The following RALGAPA2 variants were observed in gnomAD, a reference collection of about 807,000 sequenced individuals.
RALGAPA2 encodes Ral GTPase activating protein catalytic subunit alpha 2.
Under a neutral mutation model 230.4 loss-of-function variants are expected in RALGAPA2, and 139 were observed. That is an observed-to-expected ratio of 0.60 (90% confidence interval 0.53 to 0.69). The LOEUF (loss-of-function observed/expected upper bound fraction) is 0.69, where lower values mean the gene tolerates loss of function less well. Among genes scored for constraint, RALGAPA2 ranks in the 30% least tolerant of loss-of-function variants. The probability of loss-of-function intolerance (pLI) is 0.00; values close to 1 mark genes in which losing one functional copy is unlikely to be tolerated. For missense variants in RALGAPA2, 2,163 were observed against 2,276.0 expected (o/e 0.95, Z 1.01); for synonymous variants, 847 against 837.8 (o/e 1.01, Z -0.19).
chr20:20,403,962 T>C (rs1032092120), intron 38 of RALGAPA2, among the ~76,000 whole-genome samples: 94 of 152,296 alleles, frequency 6.2e-4, no homozygotes, highest in African/African-American at 2.1e-3. Flanking sequence ...GCTGGGATGG[T>C]GGAGGCCACT....
Position 20,601,679 on chromosome 20 carries a change from T to C in RALGAPA2, c.2203+3A>G, listed in dbSNP as rs2065657253. ...TTTGAGAAGCATTTAAATAAATGTT[T>C]ACCAGTTGCTTTTTGGCGAACAATA... is the stretch of plus-strand genomic sequence containing the variant. On this transcript the variant is annotated splice_donor_region_variant and intron_variant, in intron 16 of 39. Transcript: ENST00000202677. 1 of 1,610,152 alleles carries C rather than the reference T, an allele frequency of 6.2e-7. No individual in the cohort carries two copies. Among genetic ancestry groups the C allele is most frequent in the African/African-American group, 1.3e-5 (1 of 74,782 alleles).
intron 3 of RALGAPA2, among the ~76,000 whole-genome samples, chr20:20,661,892 A>G (rs1348113496): frequency 6.6e-6 from 1 of 152,250 alleles, no homozygotes; most frequent in Non-Finnish European, 1.5e-5. Context: ...TATGTAATTT[A>G]CGATATACCT....
chr20:20,406,772 T>A (rs2059955656), intron 38 of RALGAPA2, among the ~76,000 whole-genome samples: 1 of 152,064 alleles, frequency 6.6e-6, no homozygotes, highest in African/African-American at 2.4e-5. Flanking sequence ...ATTAGCTGCA[T>A]GTGGTGGCTT....
intron 1 of RALGAPA2, among the ~76,000 whole-genome samples, chr20:20,689,291 T>A (rs556323352): frequency 1.3e-5 from 2 of 152,264 alleles, no homozygotes; most frequent in Non-Finnish European, 2.9e-5. Context: ...TTATGCCTGC[T>A]ACAAATGTAA....
At chr20:20,461,077 A>G (rs955812245) in intron 37 of RALGAPA2, among the ~76,000 whole-genome samples, 1 of 152,228 alleles carries the variant, frequency 6.6e-6, no homozygotes, top group African/African-American at 2.4e-5. Flanking sequence ...ATTTGACAAA[A>G]TTATAGAGCA....
chr20:20,518,898 G>A (rs968301073), intron 31 of RALGAPA2, among the ~76,000 whole-genome samples: 6 of 152,090 alleles, frequency 3.9e-5, no homozygotes, highest in Non-Finnish European at 4.4e-5. Flanking sequence ...AGGGAACAAC[G>A]AAATAGATTA....
At chr20:20,393,349 A>T in intron 39 of RALGAPA2, 96 bp from the exon 40 acceptor site, 1 of 1,012,530 alleles carries the variant, frequency 9.9e-7, no homozygotes, top group Middle Eastern at 4.0e-4. Flanking sequence ...GAAGGGAGGG[A>T]AACTCCCAGG....
At chr20:20,468,461 T>C (rs1346453052) in intron 37 of RALGAPA2, among the ~76,000 whole-genome samples, 4 of 152,146 alleles carry the variant, frequency 2.6e-5, no homozygotes, top group African/African-American at 4.8e-5. Context: ...GCTGCTACTA[T>C]CTGATATGTT....
chr20:20,562,047 T>C (rs1485358953), intron 23 of RALGAPA2, among the ~76,000 whole-genome samples: 2 of 152,154 alleles, frequency 1.3e-5, no homozygotes, highest in African/African-American at 2.4e-5. Context: ...CTCACCACAG[T>C]AGAAAGTTAA....
intron 38 of RALGAPA2, among the ~76,000 whole-genome samples, chr20:20,409,513 C>T (rs2122747331): frequency 6.6e-6 from 1 of 152,312 alleles, no homozygotes; most frequent in Non-Finnish European, 1.5e-5. Context: ...CCTAAGTGCA[C>T]TGTGGGAGCT....
At chr20:20,524,113 C>T (rs548931600) in intron 30 of RALGAPA2, among the ~76,000 whole-genome samples, 40 of 152,240 alleles carry the variant, frequency 2.6e-4, no homozygotes, top group African/African-American at 8.7e-4. Context: ...CCCGCCACCA[C>T]GCCCGGCTAA....
chr20:20,635,900 A>G (rs1162450634), intron 8 of RALGAPA2, among the ~76,000 whole-genome samples: 1 of 152,238 alleles, frequency 6.6e-6, no homozygotes. Context: ...AATTTTGATA[A>G]ATTACATGAG....
intron 15 of RALGAPA2, among the ~76,000 whole-genome samples, chr20:20,602,925 C>T (rs2065703364): frequency 6.6e-6 from 1 of 152,104 alleles, no homozygotes; most frequent in South Asian, 2.1e-4. Flanking sequence ...AGCTCTCCTC[C>T]TCTGGCCTGA....
rs1482788440 is a variant in RALGAPA2 at position 20,437,603 on chromosome 20, T to C, written c.5496-25455A>G. On this transcript the variant is annotated intron_variant, in intron 37 of 39. Coordinates refer to ENST00000202677, the MANE Select transcript of RALGAPA2 (RefSeq NM_020343.4). This position sits in a 1 kb window ranked among gnomAD's most constrained non-coding sequence, Gnocchi z 4.1. ...TCCCACACTTCACACACACGATGTG[T>C]GTGTGCTGTGCCCTCTGCCTGGGAT... Among the ~76,000 whole-genome samples the C allele has an allele frequency of 1.3e-5, 2 of 152,200 alleles. No homozygotes were observed. Among genetic ancestry groups the C allele is most frequent in the Non-Finnish European group, 2.9e-5 (2 of 68,034 alleles).
In RALGAPA2 at chr20:20,526,342, G is replaced by C; in HGVS notation, c.3603C>G (p.Ala1201=). The C allele has an allele frequency of 1.9e-6, 3 of 1,598,960 alleles. No individual in the cohort carries two copies. In the South Asian group the frequency reaches 3.4e-5, roughly 18 times the overall value. Residue 1201 remains alanine, a synonymous_variant, in exon 28 of 40, where the codon GCC becomes GCG. Transcript: ENST00000202677. ...ACTGAAGGACATCGCAAGCTACCTG[G>C]GCCACGATTTTGTTGGGAAACTATA... is the stretch of plus-strand genomic sequence containing the variant. ...VTLKFPNKIV[A]QVACDVLQLL...
At chr20:20,677,328 A>G (rs1449634709) in intron 2 of RALGAPA2, among the ~76,000 whole-genome samples, 1 of 152,178 alleles carries the variant, frequency 6.6e-6, no homozygotes, top group Non-Finnish European at 1.5e-5. Context: ...GAGGTTAGGA[A>G]GCAAGCCATA....
chr20:20,584,939 C>A lies in RALGAPA2; in HGVS notation c.2456G>T (p.Ser819Ile), dbSNP rs2146038582. 1 of 1,609,950 alleles carries A rather than the reference C, an allele frequency of 6.2e-7. No individual in the cohort carries two copies. Among genetic ancestry groups the A allele is most frequent in the Non-Finnish European group, 8.5e-7 (1 of 1,177,742 alleles). The change falls in exon 19 of 40, where the codon AGC becomes ATC. Residue 819 changes from serine (S) to isoleucine (I), a missense_variant. Physicochemically the swap from Ser to Ile is moderately radical, Grantham distance 142. Transcript: ENST00000202677. ...HEGITILVRR[S>I]SSPAELDLKD... ...CAAATCCAATTCAGCAGGGCTGCTG[C>A]TTCTTCGAACTAAGATCTTCAGACA... is the stretch of plus-strand genomic sequence containing the variant.
chr20:20,635,648 G>A, intron 8 of RALGAPA2, 31 bp from the exon 9 acceptor site: 4 of 1,436,340 alleles, frequency 2.8e-6, no homozygotes, highest in Non-Finnish European at 3.8e-6. Flanking sequence ...TGATTGATTA[G>A]GTTAATAAAT....
intron 23 of RALGAPA2, among the ~76,000 whole-genome samples, chr20:20,559,448 A>G (rs1014624162): frequency 6.6e-6 from 1 of 152,160 alleles, no homozygotes; most frequent in Non-Finnish European, 1.5e-5. Context: ...ATCCACTAGC[A>G]AAGCAGCAAT....
Sources: gnomAD v4.1 joint callset for allele counts (sites outside exome capture counted in the v4.1 genomes callset) on GRCh38, gnomAD v4.1.1 for gene constraint, Gnocchi (gnomAD v3.1) non-coding constraint, MANE v1.5 for transcripts, NCBI Gene and HGNC (gene_info 2026-07-23, HGNC 2026-07-21) for gene names.